The following APIP variants were observed in gnomAD, a reference collection of about 807,000 sequenced individuals.
APIP encodes APAF1 interacting protein.
A neutral mutation model predicts 32.0 loss-of-function variants in APIP; 32 were observed. That is an observed-to-expected ratio of 1.00 (90% CI 0.76 to 1.34). The LOEUF (loss-of-function observed/expected upper bound fraction) is 1.34, where lower values mean the gene tolerates loss of function less well. Ranked by LOEUF, APIP falls within the 40% of genes most tolerant of loss-of-function variation. The pLI is 0.00. For synonymous variants in APIP, 92 were observed against 94.8 expected (o/e 0.97, Z 0.17); for missense variants, 247 against 298.6 (o/e 0.83, Z 1.27).
chr11:34,894,272 A>G (rs1853229820), intron 2 of APIP, among the ~76,000 whole-genome samples: 1 of 152,174 alleles, frequency 6.6e-6, no homozygotes, highest in Non-Finnish European at 1.5e-5. Flanking sequence ...CACTATATTC[A>G]TTAATGATAC....
chr11:34,908,272 G>C (rs998480385), intron 1 of APIP, among the ~76,000 whole-genome samples: 1 of 152,230 alleles, frequency 6.6e-6, no homozygotes, highest in Non-Finnish European at 1.5e-5. Flanking sequence ...CCACAACTGA[G>C]AGTTGTAAAA....
chr11:34,905,002 T>C lies in APIP; in HGVS notation c.58-9892A>G, dbSNP rs567844376. Among the ~76,000 whole-genome samples, 4 of 152,356 alleles carry C rather than the reference T, an allele frequency of 2.6e-5. No individual in the cohort carries two copies. The East Asian group carries it at 5.8e-4, about 22-fold the overall frequency. On this transcript the variant is annotated intron_variant, in intron 1 of 6. Transcript: ENST00000395787. ...CCTTTTGAGATTCGCTGCCAAATAT[T>C]AGAACTTCTTTTTGATGGAAATTAT...
Position 34,882,787 on chromosome 11 carries a change from A to G in APIP, c.659T>C (p.Ile220Thr), listed in dbSNP as rs1565130905. 3.1e-6 allele frequency: 5 copies of G among 1,609,510 alleles called. No homozygotes were observed. In the South Asian group the frequency reaches 4.4e-5, roughly 14 times the overall value. The part of the protein sequence containing the change: ...MCECYDYLFD[I>T]AVSMKKVGLD... ...TCCTACTTTCTTCATTGATACGGCA[A>G]TATCAAATAAATAGTCATAACACTC... Residue 220 changes from isoleucine to threonine, a missense_variant, in exon 7 of 7, where the codon ATT becomes ACT. Ile to Thr is a moderately conservative substitution (Grantham distance 89, BLOSUM62 -1). Coordinates refer to ENST00000395787, the MANE Select transcript of APIP (RefSeq NM_015957.4).
chr11:34,886,002 A>G (rs111482045), intron 5 of APIP, among the ~76,000 whole-genome samples: 4 of 152,348 alleles, frequency 2.6e-5, no homozygotes, highest in African/African-American at 9.6e-5. Flanking sequence ...ATACGTGATG[A>G]TAATGACTAT....
intron 5 of APIP, among the ~76,000 whole-genome samples, chr11:34,885,582 C>T (rs947457126): frequency 2.0e-5 from 3 of 152,106 alleles, no homozygotes; most frequent in East Asian, 1.9e-4. Context: ...GGGCAATTGT[C>T]GGGCAATTGT....
intron 1 of APIP, among the ~76,000 whole-genome samples, chr11:34,913,341 C>T (rs544237844): frequency 1.1e-4 from 17 of 152,234 alleles, no homozygotes; most frequent in South Asian, 4.2e-4. Context: ...AGAATGAAGC[C>T]GCGGACCCTT....
chr11:34,914,918 C>T (rs577461419), intron 1 of APIP, among the ~76,000 whole-genome samples: 53 of 147,212 alleles, frequency 3.6e-4, no homozygotes, highest in African/African-American at 1.3e-3. Context: ...GCAGGAAAAT[C>T]GCTTGAACCA....
chr11:34,901,821 A>T (rs971705209), intron 1 of APIP, among the ~76,000 whole-genome samples: 3 of 152,164 alleles, frequency 2.0e-5, no homozygotes, highest in African/African-American at 7.2e-5. Flanking sequence ...TCGAGCTATA[A>T]CCACTAGGCC....
At chr11:34,896,007 T>G (rs1853263270) in intron 1 of APIP, among the ~76,000 whole-genome samples, 1 of 152,226 alleles carries the variant, frequency 6.6e-6, no homozygotes, top group African/African-American at 2.4e-5. Flanking sequence ...GTTGTTGAGC[T>G]GGCAAGAAAG....
At chr11:34,906,428 C>T (rs1853457755) in intron 1 of APIP, among the ~76,000 whole-genome samples, 3 of 152,150 alleles carry the variant, frequency 2.0e-5, no homozygotes, top group Non-Finnish European at 4.4e-5. Context: ...ACATGACAAT[C>T]CCATCTTAGA....
chr11:34,888,590 G>A (rs1419578330), intron 4 of APIP, among the ~76,000 whole-genome samples, 162 bp from the exon 5 acceptor site: 2 of 152,136 alleles, frequency 1.3e-5, no homozygotes, highest in Admixed American at 1.3e-4. Flanking sequence ...GTGGAATAAT[G>A]GACCTTCCTC....
intron 1 of APIP, among the ~76,000 whole-genome samples, chr11:34,907,401 C>T (rs148943321): frequency 3.3e-3 from 496 of 152,264 alleles, no homozygotes; most frequent in African/African-American, 0.011. Flanking sequence ...TCTCTTTTGT[C>T]TTTTCCAGTG....
chr11:34,896,764 G>A, intron 1 of APIP: 1 of 1,278,156 alleles, frequency 7.8e-7, no homozygotes, highest in East Asian at 5.6e-5. Context: ...AGACTACCTG[G>A]GAGAGAAGTG....
rs181608387 is a variant in APIP, at chr11:34,883,675, C to T, written c.462-171G>A. Among the ~76,000 whole-genome samples the T allele has an allele frequency of 3.7e-3, 559 of 152,250 alleles. 4 individuals carry two copies. Among genetic ancestry groups the T allele is most frequent in the Middle Eastern group, 0.01 (3 of 294 alleles). ...TATTCTGTGTACCTTGTATAAACAT[C>T]TCTATCAAAAGGTACCTTGGGAATG... On this transcript the variant is annotated intron_variant, in intron 5 of 6. Coordinates refer to ENST00000395787, the MANE Select transcript of APIP (RefSeq NM_015957.4).
chr11:34,912,797 T>A (rs1447496510), intron 1 of APIP, among the ~76,000 whole-genome samples: 1 of 152,236 alleles, frequency 6.6e-6, no homozygotes, highest in Non-Finnish European at 1.5e-5. Flanking sequence ...TGCGGGATCT[T>A]GGGTTCACGT....
chr11:34,909,384 T>C (rs941379821), intron 1 of APIP, among the ~76,000 whole-genome samples: 2 of 151,758 alleles, frequency 1.3e-5, no homozygotes, highest in African/African-American at 4.8e-5. Flanking sequence ...AAATAAACTG[T>C]AAAAAGTGCC....
At chr11:34,890,477 T>G (rs371369133) in intron 3 of APIP, 27 bp downstream of exon 3, 2 of 1,587,262 alleles carry the variant, frequency 1.3e-6, no homozygotes, top group Non-Finnish European at 1.7e-6. Context: ...GAAAAGACAC[T>G]GAGGTTAAAG....
intron 3 of APIP, among the ~76,000 whole-genome samples, chr11:34,889,304 G>A (rs1853145444): frequency 6.6e-6 from 1 of 151,944 alleles, no homozygotes; most frequent in Admixed American, 6.6e-5. Flanking sequence ...TAAAGAAATC[G>A]ACATTCCAAA....
intron 1 of APIP, among the ~76,000 whole-genome samples, chr11:34,915,062 C>A (rs1263790777): frequency 7.2e-6 from 1 of 138,008 alleles, no homozygotes; most frequent in Non-Finnish European, 1.6e-5. Flanking sequence ...TTGAGTGCAG[C>A]AAAAAAAAAA....
Sources: allele counts gnomAD v4.1 joint callset (sites outside exome capture counted in the v4.1 genomes callset), GRCh38; gene constraint gnomAD v4.1.1; transcripts MANE v1.5; gene names NCBI Gene and HGNC (gene_info 2026-07-23, HGNC 2026-07-21).